Variants in KIF16B observed in about 807,000 individuals in gnomAD.
KIF16B encodes kinesin-like protein KIF16B.
Under a neutral mutation model 156.3 loss-of-function variants are expected in KIF16B, and 98 were observed. That is an observed-to-expected ratio of 0.63 (90% CI 0.53 to 0.74). The LOEUF is 0.74. Ranked by LOEUF, KIF16B falls within the 30% of genes least tolerant of loss-of-function variation. The probability of loss-of-function intolerance (pLI) is 0.00; values close to 1 mark genes in which losing one functional copy is unlikely to be tolerated. For synonymous variants in KIF16B, 564 were observed against 583.7 expected, an observed-to-expected ratio of 0.97 and a Z score of 0.49; for missense variants, 1,421 against 1,606.5, an observed-to-expected ratio of 0.88 and a Z score of 1.97.
intron 12 of KIF16B, among the ~76,000 whole-genome samples, chr20:16,473,523 C>T (rs373601176): frequency 2.0e-5 from 3 of 152,096 alleles, no homozygotes; most frequent in East Asian, 1.9e-4. Flanking sequence ...TGGAAGAGAT[C>T]GCAGGGACTA....
chr20:16,469,254 TAAAAAAAAAAA>T (rs57114751), intron 12 of KIF16B, among the ~76,000 whole-genome samples: 6 of 66,080 alleles, frequency 9.1e-5, no homozygotes, highest in Non-Finnish European at 1.8e-4. Flanking sequence ...CCCTGTGTCT[TAAAAAAAAAAA>T]AAAAAAAAAA....
At chr20:16,453,565 T>C (rs544850856) in intron 12 of KIF16B, among the ~76,000 whole-genome samples, 2 of 152,058 alleles carry the variant, frequency 1.3e-5, no homozygotes, top group East Asian at 3.9e-4. Flanking sequence ...TATATATTAC[T>C]GACAAAAGAT....
intron 1 of KIF16B, among the ~76,000 whole-genome samples, chr20:16,534,398 T>C (rs77465080): frequency 0.03 from 4,570 of 152,320 alleles, 215 homozygotes; most frequent in African/African-American, 0.1. Flanking sequence ...ACTGTTGAGT[T>C]CCTTGTATAT....
At position 16,381,680 on chromosome 20, in the gene KIF16B, C is replaced by T. The variant is rs200444340; in HGVS notation, c.1838+14G>A. The T allele has an allele frequency of 6.2e-7, 1 of 1,607,248 alleles. No homozygotes were observed. Among genetic ancestry groups the T allele is most frequent in the Non-Finnish European group, 8.5e-7 (1 of 1,174,740 alleles). On this transcript the variant is annotated intron_variant, in intron 18 of 25. Transcript: ENST00000354981. Reference sequence around the variant, plus strand: ...ACTACAGGAGTGTTGAAACTTGAACCCCATGTGACTTACCTTTTACTTTCT... The same window carrying T: ...ACTACAGGAGTGTTGAAACTTGAACTCCATGTGACTTACCTTTTACTTTCT...
intron 19 of KIF16B, 92 bp downstream of exon 19, chr20:16,378,713 A>T (rs1287346698): frequency 1.1e-6 from 1 of 890,204 alleles, no homozygotes; most frequent in Non-Finnish European, 1.5e-6. Context: ...GAATAAGTTA[A>T]AAAAAAAAAA....
intron 25 of KIF16B, among the ~76,000 whole-genome samples, chr20:16,302,043 T>C (rs1036224387): frequency 6.6e-6 from 1 of 152,224 alleles, no homozygotes; most frequent in Non-Finnish European, 1.5e-5. Context: ...TTATCAGACA[T>C]GCCTTTTGCA....
chr20:16,346,811 A>T (rs2064242905), intron 23 of KIF16B, among the ~76,000 whole-genome samples: 1 of 152,224 alleles, frequency 6.6e-6, no homozygotes, highest in South Asian at 2.1e-4. Context: ...TCTGTGAAGC[A>T]GGTGAGGTAT....
At chr20:16,285,180 C>T (rs1294538525) in intron 25 of KIF16B, among the ~76,000 whole-genome samples, 1 of 152,122 alleles carries the variant, frequency 6.6e-6, no homozygotes, top group Non-Finnish European at 1.5e-5. Context: ...GGCTACTGTA[C>T]TGGATAGCAC....
At chr20:16,556,075 C>T (rs1289883376) in intron 1 of KIF16B, among the ~76,000 whole-genome samples, 1 of 152,198 alleles carries the variant, frequency 6.6e-6, no homozygotes, top group East Asian at 1.9e-4. Flanking sequence ...CTGGGCCACT[C>T]ATTAGACACT....
chr20:16,288,813 G>A (rs2063268509), intron 25 of KIF16B, among the ~76,000 whole-genome samples: 1 of 151,986 alleles, frequency 6.6e-6, no homozygotes. Flanking sequence ...AGTATGTACT[G>A]GTGATAAGGT....
chr20:16,409,526 T>G (rs949980533), intron 15 of KIF16B, among the ~76,000 whole-genome samples: 2 of 151,958 alleles, frequency 1.3e-5, no homozygotes, highest in African/African-American at 4.8e-5. Flanking sequence ...CAATGGTGAC[T>G]GAAGAAAGGC....
In KIF16B at chr20:16,273,273, T is replaced by G; in HGVS notation, c.3934A>C (p.Ser1312Arg). The change falls in exon 26 of 26, where the codon AGC (serine) becomes CGC (arginine). Residue 1312 changes from serine (S) to arginine (R), a missense_variant. By Grantham distance (110) the Ser-to-Arg change is moderately radical. Coordinates refer to ENST00000354981, the MANE Select transcript of KIF16B (RefSeq NM_024704.5). Reference sequence around the variant, plus strand: ...TGGCTCTACCCCGTCCCGTGGCTGCTGTAGTCAAAGACTCCTTTCTTGAAG... The same window carrying G: ...TGGCTCTACCCCGTCCCGTGGCTGCGGTAGTCAAAGACTCCTTTCTTGAAG... ...PFFKKGVFDY[S>R]SHGTG The G allele has an allele frequency of 1.2e-6, 2 of 1,614,148 alleles. No individual in the cohort carries two copies.
intron 1 of KIF16B, among the ~76,000 whole-genome samples, chr20:16,556,357 G>A (rs140587627): frequency 7.2e-4 from 110 of 152,246 alleles, no homozygotes; most frequent in African/African-American, 2.4e-3. Context: ...CTGGCTACCC[G>A]GAGACTCCAG....
intron 3 of KIF16B, among the ~76,000 whole-genome samples, chr20:16,525,808 C>A (rs1161599864): frequency 6.6e-6 from 1 of 152,152 alleles, no homozygotes; most frequent in Non-Finnish European, 1.5e-5. Context: ...CTATGTAGAG[C>A]TCCTTCTAAA....
At chr20:16,288,099 T>G (rs1481992361) in intron 25 of KIF16B, among the ~76,000 whole-genome samples, 1 of 152,202 alleles carries the variant, frequency 6.6e-6, no homozygotes, top group East Asian at 1.9e-4. Flanking sequence ...TCTTCAGCAC[T>G]GGAAGAAGCC....
intron 15 of KIF16B, among the ~76,000 whole-genome samples, chr20:16,425,220 G>A (rs2066322798): frequency 6.6e-6 from 1 of 152,126 alleles, no homozygotes; most frequent in African/African-American, 2.4e-5. Context: ...GTAACGAAGT[G>A]TTTACAGAAC....
intron 25 of KIF16B, among the ~76,000 whole-genome samples, chr20:16,286,336 C>G (rs982544104): frequency 6.6e-6 from 1 of 152,058 alleles, no homozygotes; most frequent in African/African-American, 2.4e-5. Flanking sequence ...AATTGTTTTC[C>G]GTGGGCACTG....
At chr20:16,523,799 C>G (rs1254202783) in intron 3 of KIF16B, among the ~76,000 whole-genome samples, 1 of 152,162 alleles carries the variant, frequency 6.6e-6, no homozygotes, top group African/African-American at 2.4e-5. Context: ...TACAAGGCTA[C>G]AGTAACCAAA....
In KIF16B at chr20:16,356,333, G is replaced by C; in HGVS notation, c.3618C>G (p.Val1206=). The C allele has an allele frequency of 3.1e-6, 5 of 1,614,102 alleles. No homozygotes were observed. Among genetic ancestry groups the C allele is most frequent in the Non-Finnish European group, 4.2e-6 (5 of 1,179,966 alleles). ...GAAGAGTCAAGAAGACACTCACCTT[G>C]ACCTCAAACTCGAAGTGTGCATCCT... ...QGKDAHFEFE[V]KITVLDETWT... Residue 1206 remains valine, a synonymous_variant, in exon 23 of 26, where the codon GTC becomes GTG. Transcript: ENST00000354981.
Sources: allele counts gnomAD v4.1 joint callset (sites outside exome capture counted in the v4.1 genomes callset), GRCh38; gene constraint gnomAD v4.1.1; transcripts MANE v1.5; gene names NCBI Gene and HGNC (gene_info 2026-07-23, HGNC 2026-07-21).